FRMD4B: variants seen among roughly 807,000 people sequenced by gnomAD.
FRMD4B encodes FERM domain containing 4B.
A neutral mutation model predicts 141.5 loss-of-function variants in FRMD4B; 74 were observed. The observed-to-expected ratio is 0.52, with a 90% CI of 0.43 to 0.63. The LOEUF is 0.63. Ranked by LOEUF, FRMD4B falls within the 30% of genes least tolerant of loss-of-function variation. FRMD4B has a pLI of 0.00. For synonymous variants in FRMD4B, 506 were observed against 467.9 expected, an observed-to-expected ratio of 1.08 and a Z score of -1.05; for missense variants, 1,366 against 1,253.4, an observed-to-expected ratio of 1.09 and a Z score of -1.36.
At chr3:69,268,282 T>C (rs1176688901) in intron 5 of FRMD4B, among the ~76,000 whole-genome samples, 2 of 151,954 alleles carry the variant, frequency 1.3e-5, no homozygotes, top group African/African-American at 4.9e-5. Context: ...TATGGCTAAA[T>C]TGTTAGGCGA....
chr3:69,206,072 C>T (rs2093021804), intron 11 of FRMD4B, among the ~76,000 whole-genome samples: 1 of 152,146 alleles, frequency 6.6e-6, no homozygotes, highest in African/African-American at 2.4e-5. Flanking sequence ...CATATCTTGG[C>T]CAGGTGTGGT....
At chr3:69,199,992 A>AG (rs11435472) in intron 11 of FRMD4B, among the ~76,000 whole-genome samples, 148,116 of 152,226 alleles carry the variant, frequency 0.97, 72,181 homozygotes, top group East Asian at 1. Flanking sequence ...AACAGCAGAG[A>AG]GTTTCATTAT....
At chr3:69,240,562 A>G (rs1036927218) in intron 7 of FRMD4B, among the ~76,000 whole-genome samples, 1 of 152,136 alleles carries the variant, frequency 6.6e-6, no homozygotes, top group East Asian at 1.9e-4. Flanking sequence ...AAAAGAATGG[A>G]AAGTCAAAGA....
chr3:69,505,029 C>T (rs1439636011), intron 1 of FRMD4B, among the ~76,000 whole-genome samples: 4 of 152,074 alleles, frequency 2.6e-5, no homozygotes, highest in Non-Finnish European at 5.9e-5. Context: ...GGGATTCTAT[C>T]CTCTTTTGGA....
intron 3 of FRMD4B, among the ~76,000 whole-genome samples, chr3:69,305,833 A>G (rs1189146885): frequency 6.6e-6 from 1 of 152,260 alleles, no homozygotes; most frequent in African/African-American, 2.4e-5. Context: ...AGCAAGTTGT[A>G]CAATAGCATA....
chr3:69,360,086 A>C (rs2007561), intron 1 of FRMD4B, among the ~76,000 whole-genome samples: 151,407 of 152,276 alleles, frequency 0.99, 75,279 homozygotes, highest in Middle Eastern at 1. Context: ...CAGAACCTGG[A>C]GTTTTGTTTT....
chr3:69,491,402 A>G (rs1706299079), intron 1 of FRMD4B, among the ~76,000 whole-genome samples: 1 of 152,184 alleles, frequency 6.6e-6, no homozygotes, highest in South Asian at 2.1e-4. Context: ...ATAAGATGAG[A>G]AGAAAATGTT....
chr3:69,490,599 C>T (rs1039634567), intron 1 of FRMD4B, among the ~76,000 whole-genome samples: 1 of 152,182 alleles, frequency 6.6e-6, no homozygotes, highest in Non-Finnish European at 1.5e-5. Context: ...GCTTCAGCAG[C>T]CCACAGTCAC....
chr3:69,280,794 AT>A (rs1473881835), intron 5 of FRMD4B, among the ~76,000 whole-genome samples: 1 of 149,732 alleles, frequency 6.7e-6, no homozygotes, highest in Non-Finnish European at 1.5e-5. Flanking sequence ...TAATTTTTGT[AT>A]TTTTTGTAGA....
At chr3:69,522,873 G>A (rs1003416054) in intron 1 of FRMD4B, among the ~76,000 whole-genome samples, 3 of 152,144 alleles carry the variant, frequency 2.0e-5, no homozygotes, top group Non-Finnish European at 4.4e-5. Flanking sequence ...TGGGCCTGGA[G>A]ATGAGAACCA....
At chr3:69,498,089 A>C (rs1484321756) in intron 1 of FRMD4B, among the ~76,000 whole-genome samples, 1 of 152,134 alleles carries the variant, frequency 6.6e-6, no homozygotes, top group Non-Finnish European at 1.5e-5. Context: ...AGCTGAGGGA[A>C]TATATTGAGA....
intron 9 of FRMD4B, among the ~76,000 whole-genome samples, chr3:69,219,680 A>G (rs2093175502): frequency 6.6e-6 from 1 of 151,944 alleles, no homozygotes; most frequent in Admixed American, 6.6e-5. Context: ...TACATAGCTA[A>G]ATGTATGCCA....
intron 1 of FRMD4B, among the ~76,000 whole-genome samples, chr3:69,496,637 AAGAGAGAGAG>A (rs1169584495): frequency 0.066 from 3,728 of 56,388 alleles, 74 homozygotes; most frequent in Non-Finnish European, 0.093. Flanking sequence ...GAGAGAGAGA[AAGAGAGAGAG>A]AGAGAGAGAG....
At chr3:69,259,991 T>C (rs1373095872) in intron 5 of FRMD4B, among the ~76,000 whole-genome samples, 1 of 152,242 alleles carries the variant, frequency 6.6e-6, no homozygotes, top group African/African-American at 2.4e-5. Context: ...TAAAGTTTTG[T>C]GATATACCTA....
At chr3:69,268,370 C>T (rs2093578031) in intron 5 of FRMD4B, among the ~76,000 whole-genome samples, 3 of 151,972 alleles carry the variant, frequency 2.0e-5, no homozygotes, top group African/African-American at 7.3e-5. Context: ...ACATCTGATA[C>T]ATATACAGGG....
chr3:69,241,678 T>C (rs578200011), intron 7 of FRMD4B, among the ~76,000 whole-genome samples: 32 of 152,232 alleles, frequency 2.1e-4, no homozygotes, highest in Non-Finnish European at 3.7e-4. Flanking sequence ...TGACAGATTT[T>C]CTGAGATTCA....
intron 1 of FRMD4B, among the ~76,000 whole-genome samples, chr3:69,541,876 G>A (rs1213232136): frequency 1.3e-5 from 2 of 151,334 alleles, no homozygotes; most frequent in African/African-American, 4.9e-5. Flanking sequence ...TCCCACGAAC[G>A]CGCGGCAACC....
chr3:69,410,971 G>A (rs1215321961), intron 2 of FRMD4B, among the ~76,000 whole-genome samples: 1 of 151,918 alleles, frequency 6.6e-6, no homozygotes, highest in Non-Finnish European at 1.5e-5. Flanking sequence ...AAGAGGGGCT[G>A]TAAGCCATAA....
chr3:69,230,261 C>T (rs1302738040), intron 7 of FRMD4B, among the ~76,000 whole-genome samples: 1 of 152,134 alleles, frequency 6.6e-6, no homozygotes, highest in Admixed American at 6.5e-5. Flanking sequence ...CAGGCATGAG[C>T]CACCTCGTCC....
Sources: gnomAD v4.1 joint callset for allele counts (sites outside exome capture counted in the v4.1 genomes callset) on GRCh38, gnomAD v4.1.1 for gene constraint, MANE v1.5 for transcripts, NCBI Gene and HGNC (gene_info 2026-07-23, HGNC 2026-07-21) for gene names.